The following ZNF469 variants were observed in gnomAD, a reference collection of about 807,000 sequenced individuals.
The protein encoded by ZNF469 is zinc finger protein 469.
ZNF469 carries 1 observed loss-of-function variant against 1.0 expected under a neutral mutation model. The observed-to-expected ratio is 1.00, with a 90% CI of 0.35 to 4.73. ZNF469 has a LOEUF of 4.73. Among genes scored for constraint, ZNF469 ranks in the 30% most tolerant of loss-of-function variants. The pLI, the probability that ZNF469 is intolerant of heterozygous loss-of-function variation, is 0.16. For synonymous variants in ZNF469, 2,703 were observed against 2,363.4 expected (o/e 1.14, Z -4.17); for missense variants, 6,100 against 5,356.3 (o/e 1.14, Z -4.33).
At chr16:88,348,882 T>G in the ZNF469 span, among the ~76,000 whole-genome samples, 6 of 152,104 alleles carry the variant, frequency 3.9e-5, no homozygotes, top group African/African-American at 1.4e-4. Context: ...CGCGTGGGCA[T>G]GTATGTGTGT....
chr16:88,264,507 G>T, the ZNF469 span, among the ~76,000 whole-genome samples: 1 of 144,582 alleles, frequency 6.9e-6, no homozygotes, highest in Non-Finnish European at 1.5e-5. Flanking sequence ...CATGTTCACA[G>T]AGCCATGGCA....
At chr16:88,332,350 G>T in the ZNF469 span, among the ~76,000 whole-genome samples, 2 of 152,212 alleles carry the variant, frequency 1.3e-5, no homozygotes, top group Non-Finnish European at 2.9e-5. Context: ...GCTGGCGCGG[G>T]TGCCTGAGGC....
chr16:88,211,227 G>A, the ZNF469 span, among the ~76,000 whole-genome samples: 4 of 152,196 alleles, frequency 2.6e-5, no homozygotes, highest in Admixed American at 6.5e-5. Context: ...GTACACGGAG[G>A]GTATTGATTC....
the ZNF469 span, among the ~76,000 whole-genome samples, chr16:88,314,097 C>A: frequency 1.4e-5 from 2 of 139,736 alleles, no homozygotes; most frequent in Admixed American, 1.4e-4. Context: ...TATGATGATG[C>A]TGCTGTGGAC....
chr16:88,156,166 G>A, the ZNF469 span, among the ~76,000 whole-genome samples: 1 of 152,192 alleles, frequency 6.6e-6, no homozygotes, highest in Non-Finnish European at 1.5e-5. Flanking sequence ...TCAGATGTGT[G>A]ATTTGCAAGT....
chr16:88,420,721 G>C (rs1300054979), intron 1 of ZNF469, among the ~76,000 whole-genome samples: 1 of 152,240 alleles, frequency 6.6e-6, no homozygotes, highest in East Asian at 1.9e-4. Context: ...GCTGGTTTGT[G>C]TGCTCCATGA....
the ZNF469 span, among the ~76,000 whole-genome samples, chr16:88,292,476 G>C: frequency 2.1e-4 from 32 of 152,178 alleles, no homozygotes; most frequent in African/African-American, 7.5e-4. Flanking sequence ...CCCCAGTGGG[G>C]TCCGGGGACC....
At chr16:88,321,939 C>T in the ZNF469 span, among the ~76,000 whole-genome samples, 2 of 152,216 alleles carry the variant, frequency 1.3e-5, no homozygotes, top group Admixed American at 6.5e-5. Flanking sequence ...GCTCAGTGGC[C>T]ACAGGATGCT....
chr16:88,185,733 C>T, the ZNF469 span, among the ~76,000 whole-genome samples: 11 of 140,022 alleles, frequency 7.9e-5, no homozygotes, highest in East Asian at 4.2e-4. Context: ...TGCATACACA[C>T]GCATACACAC....
chr16:88,202,168 G>C, the ZNF469 span, among the ~76,000 whole-genome samples: 1 of 152,160 alleles, frequency 6.6e-6, no homozygotes, highest in South Asian at 2.1e-4. Flanking sequence ...AATCCACGTT[G>C]GCTGTCATCA....
the ZNF469 span, among the ~76,000 whole-genome samples, chr16:88,140,383 G>A: frequency 1.3e-5 from 2 of 149,494 alleles, no homozygotes; most frequent in South Asian, 2.1e-4. Flanking sequence ...GGGGTAGCAC[G>A]GAGGAAAGGA....
the ZNF469 span, among the ~76,000 whole-genome samples, chr16:88,263,780 A>C: frequency 0.31 from 46,854 of 151,872 alleles, 7,976 homozygotes; most frequent in Non-Finnish European, 0.39. Flanking sequence ...CCCAGAGGTG[A>C]CTGTGAGGCA....
At chr16:88,126,474 T>G in the ZNF469 span, among the ~76,000 whole-genome samples, 1 of 149,742 alleles carries the variant, frequency 6.7e-6, no homozygotes, top group Non-Finnish European at 1.5e-5. Flanking sequence ...CTATCCCAGT[T>G]GTGCTTGGAG....
intron 1 of ZNF469, among the ~76,000 whole-genome samples, chr16:88,416,166 C>G (rs76850732): frequency 6.6e-6 from 1 of 152,176 alleles, no homozygotes. Context: ...CATTAAACCT[C>G]GGCTGGGGCA....
intron 1 of ZNF469, among the ~76,000 whole-genome samples, chr16:88,393,827 G>C (rs11865387): frequency 2.0e-5 from 3 of 152,244 alleles, no homozygotes; most frequent in African/African-American, 2.4e-5. Context: ...TGGGGCGGAC[G>C]CTGCCCCACC....
intron 1 of ZNF469, among the ~76,000 whole-genome samples, chr16:88,397,085 GAGACCCTGCTGCAGGGAGGCCAGGCAA>G (rs1286492899): frequency 2.0e-5 from 3 of 152,234 alleles, no homozygotes; most frequent in South Asian, 2.1e-4. Context: ...AGGCCAGGCA[GAGACCCTGCTGCAGGGAGGCCAGGCAA>G]AGACGCTCCT....
the ZNF469 span, among the ~76,000 whole-genome samples, chr16:88,155,966 G>T: frequency 2.0e-5 from 3 of 152,156 alleles, no homozygotes; most frequent in Non-Finnish European, 4.4e-5. Flanking sequence ...GGTGCCTCTC[G>T]CATGATTGTG....
the ZNF469 span, among the ~76,000 whole-genome samples, chr16:88,276,775 C>T: frequency 6.6e-6 from 1 of 152,134 alleles, no homozygotes; most frequent in Non-Finnish European, 1.5e-5. Flanking sequence ...CCACCCTACG[C>T]TGACACTAGG....
chr16:88,418,701 C>G (rs1324988887), intron 1 of ZNF469, among the ~76,000 whole-genome samples: 8 of 152,150 alleles, frequency 5.3e-5, no homozygotes, highest in Non-Finnish European at 8.8e-5. Flanking sequence ...CTCCACTTTC[C>G]CCCAAAGTAA....
Sources: gnomAD v4.1 joint callset for allele counts (sites outside exome capture counted in the v4.1 genomes callset) on GRCh38, gnomAD v4.1.1 for gene constraint, MANE v1.5 for transcripts, NCBI Gene and HGNC (gene_info 2026-07-23, HGNC 2026-07-21) for gene names.